The following SLC5A10 variants were observed in gnomAD, a reference collection of about 807,000 sequenced individuals.
The protein encoded by SLC5A10 is solute carrier family 5 member 10.
In SLC5A10, 55 loss-of-function variants were observed where a neutral mutation model predicts 68.9. That is an observed-to-expected ratio of 0.80 (90% CI 0.64 to 1.00). The LOEUF (loss-of-function observed/expected upper bound fraction) is 1.00. Ranked by LOEUF, SLC5A10 falls within the 50% of genes least tolerant of loss-of-function variation. The pLI is 0.00. For synonymous variants in SLC5A10, 344 were observed against 344.8 expected (o/e 1.00, Z 0.02); for missense variants, 732 against 819.3 (o/e 0.89, Z 1.30).
rs537056424 is a variant in SLC5A10, at chr17:19,004,095, C to T, written c.983-9315C>T. The T allele has an allele frequency of 3.3e-6, 5 of 1,518,634 alleles. No homozygotes were observed. In the African/African-American group the frequency reaches 5.6e-5, roughly 17 times the overall value. The allele number at this position is 1,518,634 out of a possible 1,614,324, so 94.1% of individuals were successfully genotyped here. A position where few individuals can be genotyped will look rare whatever the true frequency, so the allele number is the denominator to read the frequency against. ...GGGGTGGGTGGGCAAGGTCCAGCTCCTAGCTCCGGCCCAGCTGGGGCACCG... is the reference window on the plus strand; with the variant it reads ...GGGGTGGGTGGGCAAGGTCCAGCTCTTAGCTCCGGCCCAGCTGGGGCACCG... On this transcript the variant is annotated intron_variant, in intron 9 of 14. Coordinates refer to ENST00000395645, the MANE Select transcript of SLC5A10 (RefSeq NM_001042450.4). The surrounding 1 kb of genome is among the most constrained non-coding windows in gnomAD (Gnocchi z 5.4).
intron 5 of SLC5A10, among the ~76,000 whole-genome samples, chr17:18,966,771 A>G (rs1172549404): frequency 6.9e-6 from 1 of 145,610 alleles, no homozygotes; most frequent in Non-Finnish European, 1.5e-5. Context: ...AAAAAACAAC[A>G]CTCTGCGGTT....
chr17:18,979,626 C>T (rs750417508), intron 9 of SLC5A10: 33 of 1,613,364 alleles, frequency 2.0e-5, no homozygotes, highest in Middle Eastern at 1.6e-4. Flanking sequence ...ACTTGGTTGC[C>T]GACCGCGTGA....
intron 7 of SLC5A10, 157 bp downstream of exon 7, chr17:18,969,579 G>A (rs927685663): frequency 5.2e-5 from 33 of 635,562 alleles, no homozygotes; most frequent in African/African-American, 9.2e-5. Flanking sequence ...TAGGCAGTCA[G>A]CCCCCCTGCT....
At chr17:18,981,328 G>T (rs1217619619) in intron 9 of SLC5A10, among the ~76,000 whole-genome samples, 2 of 152,074 alleles carry the variant, frequency 1.3e-5, no homozygotes, top group African/African-American at 4.8e-5. Context: ...GGGAGGAGGG[G>T]TGGGTGATGG....
chr17:18,959,437 G>A (rs1345961952), intron 3 of SLC5A10, among the ~76,000 whole-genome samples, 167 bp from the exon 4 acceptor site: 1 of 152,238 alleles, frequency 6.6e-6, no homozygotes, highest in Non-Finnish European at 1.5e-5. Flanking sequence ...TGTGGGCCTT[G>A]CCCAGACCTA....
chr17:19,002,165 A>C (rs1272192815), intron 9 of SLC5A10, among the ~76,000 whole-genome samples: 1 of 152,060 alleles, frequency 6.6e-6, no homozygotes. Flanking sequence ...TTGTCACCCG[A>C]TATTCCATCT....
At chr17:18,989,679 C>T (rs1055176612) in intron 9 of SLC5A10, among the ~76,000 whole-genome samples, 2 of 152,224 alleles carry the variant, frequency 1.3e-5, no homozygotes, top group African/African-American at 4.8e-5. Context: ...CGGTGATGCC[C>T]GTTTGCTGCC....
At position 19,000,756 on chromosome 17, in the gene SLC5A10, C is replaced by T. The variant is rs558228631; in HGVS notation, c.983-12654C>T. 6.6e-6 allele frequency among the ~76,000 whole-genome samples: 1 copy of T among 152,146 alleles called. No individual in the cohort carries two copies. Among genetic ancestry groups the T allele is most frequent in the African/African-American group, 2.4e-5 (1 of 41,436 alleles). On this transcript the variant is annotated intron_variant, in intron 9 of 14. Coordinates refer to ENST00000395645, the MANE Select transcript of SLC5A10 (RefSeq NM_001042450.4). This position sits in a 1 kb window ranked among gnomAD's most constrained non-coding sequence, Gnocchi z 5.2. ...CAGGCAGAGTTCTCCCTACACAATACCAGAGTGAGAAGGGGAGGTGGAAGC... is the reference window on the plus strand; with the variant it reads ...CAGGCAGAGTTCTCCCTACACAATATCAGAGTGAGAAGGGGAGGTGGAAGC...
Position 19,019,429 on chromosome 17 carries a change from C to A in SLC5A10, c.1248C>A (p.Val416=). ...ERELLLVGRL[V]IVALIGVSVA... is the part of the protein sequence containing the mutation. Reference sequence around the variant, plus strand: ...GCCTTCCACTCGCCTGCAGGCTGGTCATAGTGGCACTCATCGGCGTGAGTG... The same window carrying A: ...GCCTTCCACTCGCCTGCAGGCTGGTAATAGTGGCACTCATCGGCGTGAGTG... Residue 416 remains valine, a synonymous_variant, in exon 12 of 15, where the codon GTC becomes GTA. Transcript: ENST00000395645. 1 of 1,610,008 alleles carries A rather than the reference C, an allele frequency of 6.2e-7. No individual in the cohort carries two copies. The highest frequency in any genetic ancestry group is 1.1e-5 in the South Asian group (1 of 90,992).
intron 7 of SLC5A10, 71 bp from the exon 8 acceptor site, chr17:18,970,942 G>C: frequency 1.4e-6 from 2 of 1,452,982 alleles, no homozygotes; most frequent in South Asian, 2.3e-5. Context: ...TGAGATGAAG[G>C]CAGGGGGGAG....
intron 5 of SLC5A10, among the ~76,000 whole-genome samples, chr17:18,963,603 C>T (rs1054049864): frequency 6.6e-6 from 1 of 152,274 alleles, no homozygotes; most frequent in African/African-American, 2.4e-5. Context: ...CCCCAGAGGC[C>T]CTGACCTCAC....
intron 9 of SLC5A10, among the ~76,000 whole-genome samples, chr17:19,005,350 G>A (rs998581953): frequency 1.6e-4 from 25 of 152,184 alleles, no homozygotes; most frequent in African/African-American, 6.0e-4. Context: ...GGGCCGCTGT[G>A]GGCTGGGGTC....
At chr17:18,992,235 T>A (rs1205767728) in intron 9 of SLC5A10, among the ~76,000 whole-genome samples, 4 of 152,150 alleles carry the variant, frequency 2.6e-5, no homozygotes, top group Non-Finnish European at 4.4e-5. Context: ...TCTGCCTGTG[T>A]CTCGAATCCC....
intron 2 of SLC5A10, 34 bp from the exon 3 acceptor site, chr17:18,959,101 C>A: frequency 6.3e-7 from 1 of 1,592,804 alleles, no homozygotes; most frequent in Non-Finnish European, 8.6e-7. Context: ...CGCAGGGAGC[C>A]TGCTGCTGAT....
At chr17:18,951,403 G>A (rs1281057924), upstream of SLC5A10, among the ~76,000 whole-genome samples, 1 of 9,978 alleles carries the variant, frequency 1.0e-4, no homozygotes, top group Non-Finnish European at 2.2e-4. Context: ...CCTACTCTGC[G>A]TGGCTGCTGT....
Position 18,989,982 on chromosome 17 carries a change from C to T in SLC5A10, c.982+12993C>T, listed in dbSNP as rs561776448. Among the ~76,000 whole-genome samples the T allele has an allele frequency of 3.5e-4, 54 of 152,332 alleles. No homozygotes were observed. In the South Asian group the frequency reaches 6.4e-3, roughly 18 times the overall value. ...GCGGACAGCGGAGGTGTGGGACCAG[C>T]TGGGACTCCCAGAACTCCAAGGCCT... On this transcript the variant is annotated intron_variant, in intron 9 of 14. Transcript: ENST00000395645.
chr17:19,003,940 C>G lies in SLC5A10; in HGVS notation c.983-9470C>G, dbSNP rs758283958. ...GGCCGCGGGCCACCAGGGCCTCCAGCGCCAGCCGCTGCTCCTCGCTGTAGA... is the reference window on the plus strand; with the variant it reads ...GGCCGCGGGCCACCAGGGCCTCCAGGGCCAGCCGCTGCTCCTCGCTGTAGA... On this transcript the variant is annotated intron_variant, in intron 9 of 14. Transcript: ENST00000395645. The surrounding 1 kb of genome is among the most constrained non-coding windows in gnomAD (Gnocchi z 4.5). 1 of 1,612,906 alleles carries G rather than the reference C, an allele frequency of 6.2e-7. No homozygotes were observed. The highest frequency in any genetic ancestry group is 1.7e-5 in the Admixed American group (1 of 60,016).
In SLC5A10 at chr17:19,014,953, TG is replaced by T. The variant is rs760540435; in HGVS notation, c.1091-94del. 1.3e-3 allele frequency: 1,887 copies of T among 1,446,198 alleles called. 6 individuals carry two copies. Among genetic ancestry groups the T allele is most frequent in the Non-Finnish European group, 1.6e-3 (1,660 of 1,058,158 alleles). 89.6% of individuals were successfully genotyped at this position (1,446,198 alleles called of 1,614,324 possible). A position where few individuals can be genotyped will look rare whatever the true frequency, so the allele number is the denominator to read the frequency against. On this transcript the variant is annotated intron_variant, in intron 10 of 14. Transcript: ENST00000395645. The stretch of plus-strand genomic sequence containing the variant: ...CCTCTGCCTTGGAGGAGCATGCAAA[TG>T]GCGGGCGGGCCTCAGGCATTAGAGC...
chr17:18,990,533 G>A (rs2043389966), intron 9 of SLC5A10, among the ~76,000 whole-genome samples: 1 of 152,212 alleles, frequency 6.6e-6, no homozygotes, highest in Non-Finnish European at 1.5e-5. Context: ...CGTGGCAGAT[G>A]GGGACTTGCC....
Sources: allele counts gnomAD v4.1 joint callset (sites outside exome capture counted in the v4.1 genomes callset), GRCh38; gene constraint gnomAD v4.1.1; non-coding constraint Gnocchi (gnomAD v3.1); transcripts MANE v1.5; gene names NCBI Gene and HGNC (gene_info 2026-07-23, HGNC 2026-07-21).